Variants in RPTOR observed in about 807,000 individuals in gnomAD.
RPTOR encodes the protein regulatory-associated protein of mTOR.
A neutral mutation model predicts 169.9 loss-of-function variants in RPTOR; 21 were observed. The ratio of observed to expected loss-of-function variants is 0.12; its 90% confidence interval spans 0.09 to 0.18. The LOEUF is 0.18. RPTOR is among the 10% of genes least tolerant of loss of function. The pLI is 1.00. For missense variants in RPTOR, 1,133 were observed against 1,855.9 expected (o/e 0.61, Z 7.16); for synonymous variants, 732 against 753.2 (o/e 0.97, Z 0.46).
At chr17:80,583,737 A>G (rs994766906) in intron 1 of RPTOR, among the ~76,000 whole-genome samples, 1 of 152,178 alleles carries the variant, frequency 6.6e-6, no homozygotes, top group Non-Finnish European at 1.5e-5. Flanking sequence ...GAGGAAAGCT[A>G]TTGTAGAGTA....
intron 9 of RPTOR, among the ~76,000 whole-genome samples, chr17:80,836,908 G>A (rs750888089): frequency 2.0e-5 from 3 of 152,176 alleles, no homozygotes; most frequent in Non-Finnish European, 2.9e-5. Flanking sequence ...GAATTGGGGT[G>A]TGGAGCTCTG....
At chr17:80,655,948 T>C (rs1355757161) in intron 3 of RPTOR, among the ~76,000 whole-genome samples, 1 of 152,090 alleles carries the variant, frequency 6.6e-6, no homozygotes, top group African/African-American at 2.4e-5. Flanking sequence ...TCAGATGCCT[T>C]AGAGTGAACA....
At chr17:80,638,116 G>C (rs964911322) in intron 2 of RPTOR, among the ~76,000 whole-genome samples, 1 of 152,266 alleles carries the variant, frequency 6.6e-6, no homozygotes, top group Admixed American at 6.5e-5. Context: ...AGACCAATAC[G>C]AGGTCAAGCT....
chr17:80,872,782 G>A (rs1396259544), intron 13 of RPTOR, among the ~76,000 whole-genome samples: 1 of 152,216 alleles, frequency 6.6e-6, no homozygotes, highest in African/African-American at 2.4e-5. Flanking sequence ...AGATGGATGG[G>A]CACAACGGGG....
chr17:80,882,483 C>T (rs888946900), intron 14 of RPTOR, among the ~76,000 whole-genome samples: 23 of 152,352 alleles, frequency 1.5e-4, no homozygotes, highest in Admixed American at 3.3e-4. Context: ...CAGCGGCTCT[C>T]GGCCGGGGAC....
intron 7 of RPTOR, chr17:80,805,293 C>G (rs550601685): frequency 2.0e-5 from 3 of 152,364 alleles, no homozygotes; most frequent in Non-Finnish European, 2.9e-5. Flanking sequence ...CCCCTCCCAC[C>G]CTCTTTAGGC....
chr17:80,839,903 A>G (rs544351868), intron 10 of RPTOR, among the ~76,000 whole-genome samples: 4 of 152,312 alleles, frequency 2.6e-5, no homozygotes, highest in East Asian at 1.9e-4. Context: ...TACTCTATCT[A>G]TGCTAAACAA....
intron 7 of RPTOR, among the ~76,000 whole-genome samples, chr17:80,817,699 G>A (rs556623664): frequency 3.9e-5 from 6 of 152,276 alleles, no homozygotes; most frequent in African/African-American, 1.4e-4. Flanking sequence ...GATCCCTCAG[G>A]CATCTGGTGG....
In RPTOR at chr17:80,603,745, C is replaced by G. The variant is rs151299621; in HGVS notation, c.163-21946C>G. On this transcript the variant is annotated intron_variant, in intron 1 of 33. Transcript: ENST00000306801. ...CAGGAGGGGCTAATTTCCCCCAGAA[C>G]AAGGTAGACCAATACAAGGTAGTGA... Among the ~76,000 whole-genome samples the G allele has an allele frequency of 2.0e-5, 3 of 152,300 alleles. No homozygotes were observed. The East Asian group carries it at 5.8e-4, about 29-fold the overall frequency.
intron 1 of RPTOR, among the ~76,000 whole-genome samples, chr17:80,600,861 C>A (rs1567814214): frequency 1.3e-5 from 2 of 150,222 alleles, no homozygotes; most frequent in Non-Finnish European, 3.0e-5. Flanking sequence ...TCTCCCGCCG[C>A]ACGTGCCCTC....
At chr17:80,673,708 A>C (rs1003447386) in intron 3 of RPTOR, among the ~76,000 whole-genome samples, 8 of 152,162 alleles carry the variant, frequency 5.3e-5, no homozygotes, top group Admixed American at 3.3e-4. Flanking sequence ...CAATTCTTCA[A>C]AGAAATCCTT....
rs896611693 is a variant in RPTOR at position 80,861,493 on chromosome 17, G to C, written c.1509+3593G>C. On this transcript the variant is annotated intron_variant, in intron 13 of 33. Coordinates refer to ENST00000306801, the MANE Select transcript of RPTOR (RefSeq NM_020761.3). This position sits in a 1 kb window ranked among gnomAD's most constrained non-coding sequence, Gnocchi z 4.5. ...GAAGAGCCACATTATGTAAACAAAGGGTGTTTGGCAGGAAGTCATTTTGAA... is the reference window on the plus strand; with the variant it reads ...GAAGAGCCACATTATGTAAACAAAGCGTGTTTGGCAGGAAGTCATTTTGAA... Among the ~76,000 whole-genome samples, 4 of 150,086 alleles carry C rather than the reference G, an allele frequency of 2.7e-5. No homozygotes were observed. The highest frequency in any genetic ancestry group is 6.0e-5 in the Non-Finnish European group (4 of 67,098).
chr17:80,826,967 C>A (rs544971109), intron 9 of RPTOR, among the ~76,000 whole-genome samples: 1 of 152,212 alleles, frequency 6.6e-6, no homozygotes, highest in African/African-American at 2.4e-5. Flanking sequence ...ACTGCCCTGG[C>A]GACTGACGTG....
intron 3 of RPTOR, among the ~76,000 whole-genome samples, chr17:80,703,274 A>G (rs774659828): frequency 2.0e-5 from 3 of 152,142 alleles, no homozygotes; most frequent in Non-Finnish European, 4.4e-5. Flanking sequence ...CAAGCTCTGC[A>G]TGTGTTCTTT....
rs1362037315 is a variant in RPTOR, at chr17:80,947,719, G to C, written c.3265+368G>C. 6.6e-6 allele frequency among the ~76,000 whole-genome samples: 1 copy of C among 152,102 alleles called. No homozygotes were observed. Among genetic ancestry groups the C allele is most frequent in the East Asian group, 1.9e-4 (1 of 5,174 alleles). On this transcript the variant is annotated intron_variant, in intron 27 of 33. Coordinates refer to ENST00000306801, the MANE Select transcript of RPTOR (RefSeq NM_020761.3). The surrounding 1 kb of genome is among the most constrained non-coding windows in gnomAD (Gnocchi z 4.4). ...ATGCCCCAAGCCACAACACGTGCCAGGTCCTCCCCGGCCAGGGTCTCCTGG... is the reference window on the plus strand; with the variant it reads ...ATGCCCCAAGCCACAACACGTGCCACGTCCTCCCCGGCCAGGGTCTCCTGG...
At chr17:80,770,444 T>G (rs376765578) in intron 6 of RPTOR, among the ~76,000 whole-genome samples, 33 of 152,242 alleles carry the variant, frequency 2.2e-4, no homozygotes, top group African/African-American at 7.7e-4. Context: ...CTGAGGAAGG[T>G]GCCCAGGGCA....
chr17:80,945,861 C>T, intron 26 of RPTOR, 80 bp downstream of exon 26: 1 of 791,374 alleles, frequency 1.3e-6, no homozygotes, highest in Non-Finnish European at 1.9e-6. Context: ...GATCACCACT[C>T]CTCTTCCTTG....
chr17:80,938,822 T>A (rs532431954), intron 24 of RPTOR, among the ~76,000 whole-genome samples: 1 of 152,216 alleles, frequency 6.6e-6, no homozygotes, highest in African/African-American at 2.4e-5. Context: ...CTTGCCTGTT[T>A]CTGTTTTGTA....
intron 1 of RPTOR, among the ~76,000 whole-genome samples, chr17:80,615,154 C>T (rs779295125): frequency 1.1e-4 from 16 of 152,116 alleles, no homozygotes; most frequent in African/African-American, 2.7e-4. Context: ...CCAGAAGACC[C>T]GAGAGCCGGT....
Sources: allele counts gnomAD v4.1 joint callset (sites outside exome capture counted in the v4.1 genomes callset), GRCh38; gene constraint gnomAD v4.1.1; non-coding constraint Gnocchi (gnomAD v3.1); transcripts MANE v1.5; gene names NCBI Gene and HGNC (gene_info 2026-07-23, HGNC 2026-07-21).